DCAF8L2: variants seen among roughly 807,000 people sequenced by gnomAD.
The protein encoded by DCAF8L2 is DDB1 and CUL4 associated factor 8 like 2, also known as DDB1- and CUL4-associated factor 8-like protein 2.
For missense variants in DCAF8L2, 430 were observed against 490.7 expected (o/e 0.88, Z 1.17); for synonymous variants, 200 against 190.9 (o/e 1.05, Z -0.39).
At chrX:27,736,492 A>G (rs777845708) in intron 4 of DCAF8L2, among the ~76,000 whole-genome samples, 58 of 112,272 alleles carry the variant, frequency 5.2e-4, no homozygotes, top group Non-Finnish European at 9.2e-4. Context: ...CTCTTGAGCA[A>G]AGCAAACTAG....
intron 2 of DCAF8L2, among the ~76,000 whole-genome samples, chrX:27,652,361 C>T (rs1255398970): frequency 1.8e-5 from 2 of 111,539 alleles, no homozygotes; most frequent in Non-Finnish European, 3.8e-5. Flanking sequence ...ACCCTCTCAG[C>T]TTACAAGAAA....
chrX:27,480,414 G>T, the DCAF8L2 span, among the ~76,000 whole-genome samples: 1 of 112,100 alleles, frequency 8.9e-6, no homozygotes, highest in South Asian at 3.7e-4. Context: ...ACAACATCAT[G>T]CATGCTCCTT....
intron 4 of DCAF8L2, among the ~76,000 whole-genome samples, chrX:27,720,662 C>T (rs1017739716): frequency 3.6e-5 from 4 of 111,867 alleles, no homozygotes; most frequent in African/African-American, 9.7e-5. Context: ...CGTGAGCCAC[C>T]GCGCCCTGCC....
Position 27,748,112 on chromosome X carries a change from G to A in DCAF8L2, c.1217G>A (p.Gly406Asp). ...QRKIDKKENN[G>D]VLKKFTPHHL... ...AAAATTGATAAGAAAGAAAACAATGGCGTGCTCAAGAAATTCACTCCTCAT... is the reference window on the plus strand; with the variant it reads ...AAAATTGATAAGAAAGAAAACAATGACGTGCTCAAGAAATTCACTCCTCAT... Residue 406 changes from glycine (G) to aspartate (D), a missense_variant, in exon 5 of 5, where the codon GGC becomes GAC. Physicochemically the swap from Gly to Asp is moderately conservative, Grantham distance 94. Transcript: ENST00000451261. 8.3e-7 allele frequency: 1 copy of A among 1,211,546 alleles called. No individual in the cohort carries two copies. Among genetic ancestry groups the A allele is most frequent in the Non-Finnish European group, 1.1e-6 (1 of 895,349 alleles).
the DCAF8L2 span, among the ~76,000 whole-genome samples, chrX:27,514,311 G>A: frequency 2.6e-4 from 18 of 68,853 alleles, 1 homozygote; most frequent in Middle Eastern, 7.4e-3. Context: ...GCACATATGT[G>A]TATATGGTAA....
chrX:27,499,682 G>A, the DCAF8L2 span, among the ~76,000 whole-genome samples: 1 of 110,887 alleles, frequency 9.0e-6, no homozygotes, highest in Admixed American at 9.7e-5. Flanking sequence ...GAGAGAGAGC[G>A]AAGGGGGAAG....
intron 2 of DCAF8L2, among the ~76,000 whole-genome samples, chrX:27,647,887 G>GC (rs1181097017): frequency 1.8e-5 from 2 of 111,795 alleles, no homozygotes; most frequent in Non-Finnish European, 3.8e-5. Flanking sequence ...CTTCATTCCT[G>GC]CCCTTGCTTA....
the DCAF8L2 span, among the ~76,000 whole-genome samples, chrX:27,547,903 C>T: frequency 3.1e-5 from 3 of 95,749 alleles, no homozygotes; most frequent in East Asian, 1.0e-3. Flanking sequence ...CTCTCTCTCT[C>T]TCTCTCTCCT....
intron 1 of DCAF8L2, among the ~76,000 whole-genome samples, chrX:27,591,611 A>G (rs903273317): frequency 2.7e-5 from 3 of 111,695 alleles, no homozygotes; most frequent in African/African-American, 6.5e-5. Flanking sequence ...TAGGTAGCAA[A>G]GTTCTTTTAT....
the DCAF8L2 span, among the ~76,000 whole-genome samples, chrX:27,536,606 G>A: frequency 2.6e-4 from 28 of 109,770 alleles, no homozygotes; most frequent in Non-Finnish European, 5.1e-4. Flanking sequence ...CACATTGAAG[G>A]GTGAGTAGAA....
intron 1 of DCAF8L2, among the ~76,000 whole-genome samples, chrX:27,623,909 C>CT (rs953914707): frequency 1.6e-4 from 18 of 111,886 alleles, no homozygotes; most frequent in Admixed American, 2.8e-4. Flanking sequence ...GAAGAAAATA[C>CT]TTTCACAAAC....
chrX:27,734,643 A>C lies in DCAF8L2; in HGVS notation c.-58-12195A>C, dbSNP rs187024615. Among the ~76,000 whole-genome samples, 3 of 112,220 alleles carry C rather than the reference A, an allele frequency of 2.7e-5. No homozygotes were observed. The East Asian group carries it at 8.4e-4, about 31-fold the overall frequency. On this transcript the variant is annotated intron_variant, in intron 4 of 4. Coordinates refer to ENST00000451261, the MANE Select transcript of DCAF8L2 (RefSeq NM_001353450.2). ...ATACCTTTGGTTACTTTTTAAACTA[A>C]TCTGCCTAATTTTCTACTGGGGAGC... is the stretch of plus-strand genomic sequence containing the variant.
At chrX:27,726,379 C>T (rs1932070958) in intron 4 of DCAF8L2, among the ~76,000 whole-genome samples, 1 of 111,381 alleles carries the variant, frequency 9.0e-6, no homozygotes, top group Non-Finnish European at 1.9e-5. Context: ...AGTCATGAGA[C>T]ATGTATTGTC....
chrX:27,619,004 A>AATCTATTATCT (rs1927612304), intron 1 of DCAF8L2, among the ~76,000 whole-genome samples: 1 of 101,664 alleles, frequency 9.8e-6, no homozygotes, highest in Non-Finnish European at 2.0e-5. Context: ...ATCTATATCT[A>AATCTATTATCT]ATCTATCTAT....
At chrX:27,502,822 A>G in the DCAF8L2 span, among the ~76,000 whole-genome samples, 53 of 111,511 alleles carry the variant, frequency 4.8e-4, no homozygotes, top group Admixed American at 2.2e-3. Flanking sequence ...AACTCTAAAT[A>G]TAGGGGAAAT....
intron 3 of DCAF8L2, among the ~76,000 whole-genome samples, chrX:27,690,256 A>G (rs1930665450): frequency 8.9e-6 from 1 of 111,765 alleles, no homozygotes; most frequent in Non-Finnish European, 1.9e-5. Flanking sequence ...GCTTGGATGC[A>G]TGCAATTAAT....
intron 1 of DCAF8L2, among the ~76,000 whole-genome samples, chrX:27,604,424 T>G (rs1011586174): frequency 2.7e-5 from 3 of 111,056 alleles, no homozygotes; most frequent in Non-Finnish European, 5.7e-5. Context: ...CACTCTTACC[T>G]AAGAAAGCTG....
At chrX:27,640,914 T>C (rs1308022422) in intron 2 of DCAF8L2, among the ~76,000 whole-genome samples, 4 of 111,863 alleles carry the variant, frequency 3.6e-5, no homozygotes, top group Non-Finnish European at 5.6e-5. Flanking sequence ...AATTTTACTT[T>C]AGGGTTTCTA....
chrX:27,648,933 C>T (rs1929047805), intron 2 of DCAF8L2, among the ~76,000 whole-genome samples: 1 of 111,839 alleles, frequency 8.9e-6, no homozygotes, highest in Admixed American at 9.5e-5. Context: ...TATATTGGCT[C>T]ATATTGGAAC....
Sources: gnomAD v4.1 joint callset for allele counts (sites outside exome capture counted in the v4.1 genomes callset) on GRCh38, gnomAD v4.1.1 for gene constraint, MANE v1.5 for transcripts, NCBI Gene and HGNC (gene_info 2026-07-23, HGNC 2026-07-21) for gene names.